The following EPB41L2 variants were observed in gnomAD, a reference collection of about 807,000 sequenced individuals.
EPB41L2 encodes band 4.1-like protein 2.
EPB41L2 carries 43 observed loss-of-function variants against 113.0 expected under a neutral mutation model. The ratio of observed to expected loss-of-function variants is 0.38; its 90% CI spans 0.30 to 0.49. The LOEUF is 0.49. Among genes scored for constraint, EPB41L2 ranks in the 20% least tolerant of loss-of-function variants. The pLI is 0.95. For synonymous variants in EPB41L2, 442 were observed against 436.7 expected, an observed-to-expected ratio of 1.01 and a Z score of -0.15; for missense variants, 1,147 against 1,223.4, an observed-to-expected ratio of 0.94 and a Z score of 0.93.
chr6:131,044,450 T>C (rs1315042974), intron 1 of EPB41L2, among the ~76,000 whole-genome samples: 2 of 152,200 alleles, frequency 1.3e-5, no homozygotes, highest in East Asian at 1.9e-4. Context: ...TCTAAAACAA[T>C]TGAGACATTT....
At chr6:130,981,762 G>A (rs1779424149) in intron 1 of EPB41L2, among the ~76,000 whole-genome samples, 4 of 151,960 alleles carry the variant, frequency 2.6e-5, no homozygotes. Context: ...CCAAATTGTA[G>A]CTTTATTAAA....
At chr6:131,032,041 T>C (rs1357430309) in intron 1 of EPB41L2, among the ~76,000 whole-genome samples, 1 of 152,092 alleles carries the variant, frequency 6.6e-6, no homozygotes, top group African/African-American at 2.4e-5. Flanking sequence ...AAAAACACAT[T>C]TGAAGAGAAA....
intron 3 of EPB41L2, among the ~76,000 whole-genome samples, chr6:130,934,215 A>G (rs1321740567): frequency 6.6e-6 from 1 of 152,114 alleles, no homozygotes; most frequent in Non-Finnish European, 1.5e-5. Context: ...CTGTCAACAC[A>G]TCTCTTTCCC....
At chr6:131,061,475 C>A (rs1798645566) in intron 1 of EPB41L2, among the ~76,000 whole-genome samples, 1 of 152,208 alleles carries the variant, frequency 6.6e-6, no homozygotes, top group African/African-American at 2.4e-5. Context: ...TTGTGTCAAA[C>A]TCACAGCCTA....
chr6:130,970,217 A>G (rs1479919474), intron 1 of EPB41L2: 3 of 152,216 alleles, frequency 2.0e-5, no homozygotes. Context: ...ACAAACAAGC[A>G]TGTATCACAA....
intron 19 of EPB41L2, 59 bp downstream of exon 19, chr6:130,858,072 C>T (rs1221197229): frequency 1.0e-5 from 13 of 1,293,634 alleles, no homozygotes; most frequent in Non-Finnish European, 1.3e-5. Flanking sequence ...CATCCTTTCA[C>T]AAGTTCAGGA....
intron 1 of EPB41L2, among the ~76,000 whole-genome samples, chr6:131,026,521 G>A (rs1191845690): frequency 1.3e-5 from 2 of 152,186 alleles, no homozygotes; most frequent in African/African-American, 4.8e-5. Flanking sequence ...TTAACAAGAC[G>A]CTGACAAGAC....
chr6:131,048,201 A>G (rs1795869157), intron 1 of EPB41L2, among the ~76,000 whole-genome samples: 1 of 151,984 alleles, frequency 6.6e-6, no homozygotes, highest in Non-Finnish European at 1.5e-5. Context: ...AATCTAACAT[A>G]AACATAAGCA....
chr6:130,872,288 G>A lies in EPB41L2; in HGVS notation c.2044-2162C>T, dbSNP rs569285808. On this transcript the variant is annotated intron_variant, in intron 14 of 19. Transcript: ENST00000337057. ...AATTTCACCAATGAAAGCACTGGAGGGAATGGTGCCTGAATATTTAAAAAA... is the reference window on the plus strand; with the variant it reads ...AATTTCACCAATGAAAGCACTGGAGAGAATGGTGCCTGAATATTTAAAAAA... 9.6e-5 allele frequency: 103 copies of A among 1,078,488 alleles called. No homozygotes were observed. In the African/African-American group the frequency reaches 1.5e-3, roughly 15 times the overall value. The allele number at this position is 1,078,488 out of a possible 1,614,324, so 66.8% of individuals were successfully genotyped here. A position where few individuals can be genotyped will look rare whatever the true frequency, so the allele number is the denominator to read the frequency against.
chr6:131,042,666 G>A (rs527626210), intron 1 of EPB41L2, among the ~76,000 whole-genome samples: 3 of 136,802 alleles, frequency 2.2e-5, no homozygotes, highest in South Asian at 2.4e-4. Context: ...AGGAAGAAGA[G>A]GGGGAAAAAA....
At chr6:130,980,658 A>G (rs1473577038) in intron 1 of EPB41L2, among the ~76,000 whole-genome samples, 2 of 152,208 alleles carry the variant, frequency 1.3e-5, no homozygotes, top group Non-Finnish European at 1.5e-5. Flanking sequence ...CTCCTGCACT[A>G]GGCTCCAGCA....
intron 19 of EPB41L2, among the ~76,000 whole-genome samples, chr6:130,850,783 G>A (rs1196486952): frequency 6.6e-6 from 1 of 152,154 alleles, no homozygotes; most frequent in Non-Finnish European, 1.5e-5. Flanking sequence ...CAAGCCTTGG[G>A]GAATGAGTGA....
chr6:130,853,422 G>A (rs1779329122), intron 19 of EPB41L2, among the ~76,000 whole-genome samples: 1 of 152,202 alleles, frequency 6.6e-6, no homozygotes, highest in African/African-American at 2.4e-5. Context: ...GAATACCACT[G>A]CAGTGGTGAT....
chr6:130,859,018 C>T (rs942534749), intron 18 of EPB41L2, among the ~76,000 whole-genome samples: 2 of 152,202 alleles, frequency 1.3e-5, no homozygotes, highest in Non-Finnish European at 2.9e-5. Context: ...AGAGGGCTGA[C>T]TCCAGTGGTT....
intron 3 of EPB41L2, among the ~76,000 whole-genome samples, chr6:130,951,284 A>G (rs9483197): frequency 0.72 from 50,912 of 71,150 alleles, 18,715 homozygotes; most frequent in East Asian, 0.98. Flanking sequence ...GGGGGAGGGG[A>G]GGAGAAAAAA....
intron 3 of EPB41L2, among the ~76,000 whole-genome samples, chr6:130,939,623 AAC>A (rs901631257): frequency 2.0e-5 from 3 of 152,130 alleles, no homozygotes; most frequent in Non-Finnish European, 4.4e-5. Flanking sequence ...CCCCCAATTA[AAC>A]ACACATGCAA....
rs116790495 is a variant in EPB41L2, at chr6:131,058,734, G to A, written c.-15+4421C>T. Among the ~76,000 whole-genome samples the A allele has an allele frequency of 6.7e-3, 1,020 of 152,146 alleles. 20 individuals are homozygous for A. Among genetic ancestry groups the A allele is most frequent in the African/African-American group, 0.024 (982 of 41,492 alleles). ...AATCTATTAGCTATAACTATAAACC[G>A]GCTGGGTGCGGTGGCTCACACCTGT... On this transcript the variant is annotated intron_variant, in intron 1 of 19. Coordinates refer to ENST00000337057, the MANE Select transcript of EPB41L2 (RefSeq NM_001431.4).
chr6:130,840,401 T>C lies in EPB41L2; in HGVS notation c.*203A>G, dbSNP rs972025555. 1 of 152,118 alleles carries C rather than the reference T, an allele frequency of 6.6e-6. No homozygotes were observed. Among genetic ancestry groups the C allele is most frequent in the African/African-American group, 2.4e-5 (1 of 41,436 alleles). The allele number at this position is 152,118 out of a possible 1,614,324, so 9.4% of individuals were successfully genotyped here. A position where few individuals can be genotyped will look rare whatever the true frequency, so the allele number is the denominator to read the frequency against. ...GAAGTGGTTATAAAACAAAATAATA[T>C]ATTAAATGCATGGGAGCAATATAGA... On this transcript the variant is annotated 3_prime_UTR_variant, in exon 20 of 20. Transcript: ENST00000337057.
Position 130,955,390 on chromosome 6 carries a change from T to C in EPB41L2, c.493-73A>G, listed in dbSNP as rs45577234. 0.023 allele frequency: 31,282 copies of C among 1,382,668 alleles called. 1,900 individuals carry two copies. In the East Asian group the frequency reaches 0.27, roughly 12 times the overall value. The allele number at this position is 1,382,668 out of a possible 1,614,324, so 85.6% of individuals were successfully genotyped here. A position where few individuals can be genotyped will look rare whatever the true frequency, so the allele number is the denominator to read the frequency against. ...AGATGACAACATACTAAAAGGAAAA[T>C]CTTTCATAAGAATTAGGATCGTTAC... On this transcript the variant is annotated intron_variant, in intron 2 of 19. Coordinates refer to ENST00000337057, the MANE Select transcript of EPB41L2 (RefSeq NM_001431.4).
Sources: allele counts gnomAD v4.1 joint callset (sites outside exome capture counted in the v4.1 genomes callset), GRCh38; gene constraint gnomAD v4.1.1; transcripts MANE v1.5; gene names NCBI Gene and HGNC (gene_info 2026-07-23, HGNC 2026-07-21).